UBR7: variants seen among roughly 807,000 people sequenced by gnomAD.
The protein encoded by UBR7 is putative E3 ubiquitin-protein ligase UBR7.
In UBR7, 22 loss-of-function variants were observed where a neutral mutation model predicts 57.0. The observed-to-expected ratio is 0.39, with a 90% CI of 0.28 to 0.55. The LOEUF is 0.55. UBR7 is among the 20% of genes least tolerant of loss of function. The pLI, the probability that UBR7 is intolerant of heterozygous loss-of-function variation, is 0.69. For missense variants in UBR7, 395 were observed against 513.2 expected (o/e 0.77, Z 2.23); for synonymous variants, 167 against 179.8 (o/e 0.93, Z 0.57).
intron 9 of UBR7, 28 bp from the exon 10 acceptor site, chr14:93,222,285 C>T (rs1323503066): frequency 6.6e-7 from 1 of 1,523,552 alleles, no homozygotes; most frequent in Non-Finnish European, 9.1e-7. Context: ...TTTATCTAAA[C>T]TTAAATACTT....
At chr14:93,218,411 T>TAA (rs11441325) in intron 6 of UBR7, 116 bp from the exon 7 acceptor site, 3,718 of 808,282 alleles carry the variant, frequency 4.6e-3, no homozygotes, top group Admixed American at 5.5e-3. Context: ...ACTCTGTCTG[T>TAA]AAAAAAAAAA....
intron 8 of UBR7, among the ~76,000 whole-genome samples, chr14:93,219,973 CA>C (rs11442565): frequency 5.8e-4 from 83 of 142,412 alleles, no homozygotes; most frequent in East Asian, 1.0e-3. Flanking sequence ...AACTCCATCT[CA>C]AAAAAAAAAA....
chr14:93,211,104 C>T (rs1894472652), intron 3 of UBR7, among the ~76,000 whole-genome samples: 1 of 151,886 alleles, frequency 6.6e-6, no homozygotes, highest in Non-Finnish European at 1.5e-5. Context: ...GGCATGGTGG[C>T]ACCCAGTCAT....
At chr14:93,218,989 A>T (rs1894650171) in intron 7 of UBR7, among the ~76,000 whole-genome samples, 1 of 151,786 alleles carries the variant, frequency 6.6e-6, no homozygotes, top group Non-Finnish European at 1.5e-5. Context: ...CAGGAGGCGG[A>T]GGTTACAGTG....
chr14:93,210,728 A>G lies in UBR7; in HGVS notation c.345+20A>G, dbSNP rs201150031. On this transcript the variant is annotated intron_variant, in intron 3 of 10. Coordinates refer to ENST00000013070, the MANE Select transcript of UBR7 (RefSeq NM_175748.4). ...CTTCCTGTAAGTAAGCACTGTAACT[A>G]TAAATGCATTTAGAGCAGCTGAGGT... 6 of 1,592,408 alleles carry G rather than the reference A, an allele frequency of 3.8e-6. No homozygotes were observed. Among genetic ancestry groups the G allele is most frequent in the Middle Eastern group, 1.7e-4 (1 of 6,032 alleles).
Position 93,219,081 on chromosome 14 carries a change from A to T in UBR7, c.811-131A>T, listed in dbSNP as rs1448000297. On this transcript the variant is annotated intron_variant, in intron 7 of 10. Transcript: ENST00000013070. ...AAAAAAAAAAAGAAAACTGAAGTGG[A>T]ATTAATTCTGTAAACTTATGGCTTT... 2.5e-5 allele frequency: 28 copies of T among 1,118,804 alleles called. No homozygotes were observed. In the East Asian group the frequency reaches 4.6e-4, roughly 18 times the overall value. The allele number at this position is 1,118,804 out of a possible 1,614,324, so 69.3% of individuals were successfully genotyped here.
rs371496259 is a variant in UBR7, at chr14:93,210,067, A to AAATT, written c.284+123_284+126dup. 714 of 634,142 alleles carry AAATT rather than the reference A, an allele frequency of 1.1e-3. 1 individual carries two copies. Among genetic ancestry groups the AAATT allele is most frequent in the South Asian group, 3.0e-3 (112 of 37,630 alleles). The allele number at this position is 634,142 out of a possible 1,614,324, so 39.3% of individuals were successfully genotyped here. ...CATGCAAAGCAGTTGAACACTAATG[A>AAATT]AATTAATTAATTAATTTATTTATTT... On this transcript the variant is annotated intron_variant, in intron 2 of 10. Coordinates refer to ENST00000013070, the MANE Select transcript of UBR7 (RefSeq NM_175748.4).
At chr14:93,217,264 T>C (rs917534735) in intron 6 of UBR7, among the ~76,000 whole-genome samples, 3 of 152,200 alleles carry the variant, frequency 2.0e-5, no homozygotes, top group Admixed American at 1.3e-4. Context: ...TGACCTCAGG[T>C]GATCCACCCA....
At position 93,228,791 on chromosome 14, in the gene UBR7, T is replaced by C; in HGVS notation, c.*1756T>C. ...ATCATGTCCGGAAAACTTTTAATCT[T>C]CTCAAATATCTGATGTAACTACCAG... On this transcript the variant is annotated 3_prime_UTR_variant, in exon 11 of 11. Transcript: ENST00000013070. 1 of 454,104 alleles carries C rather than the reference T, an allele frequency of 2.2e-6. No homozygotes were observed. Among genetic ancestry groups the C allele is most frequent in the Non-Finnish European group, 4.4e-6 (1 of 226,800 alleles). The allele number at this position is 454,104 out of a possible 1,614,324, so 28.1% of individuals were successfully genotyped here.
Position 93,228,313 on chromosome 14 carries a change from G to C in UBR7, c.*1278G>C, listed in dbSNP as rs748314848. ...TGTAGGAAATGCCTTGTGATACATA[G>C]AGAACCCTCAGCTTCTCTCTGCCTC... On this transcript the variant is annotated 3_prime_UTR_variant, in exon 11 of 11. Coordinates refer to ENST00000013070, the MANE Select transcript of UBR7 (RefSeq NM_175748.4). 2.0e-5 allele frequency: 9 copies of C among 455,866 alleles called. No homozygotes were observed. Among genetic ancestry groups the C allele is most frequent in the African/African-American group, 4.0e-5 (2 of 50,090 alleles). 28.2% of individuals were successfully genotyped at this position (455,866 alleles called of 1,614,324 possible).
intron 6 of UBR7, 152 bp from the exon 7 acceptor site, chr14:93,218,375 C>T: frequency 1.4e-6 from 1 of 709,172 alleles, no homozygotes; most frequent in Middle Eastern, 3.9e-4. Flanking sequence ...CATGCCACTG[C>T]ACTCCAGTGT....
chr14:93,223,394 CAAAA>C lies in UBR7; in HGVS notation c.1185+1037_1185+1040del, dbSNP rs34453404. On this transcript the variant is annotated intron_variant, in intron 10 of 10. Transcript: ENST00000013070. ...TGGGTGACAGAGCAAGACTCCATCT[CAAAA>C]AAAAAAAAAAAAAAAAGAACTGGGC... is the stretch of plus-strand genomic sequence containing the variant. 2.8e-3 allele frequency among the ~76,000 whole-genome samples: 265 copies of C among 94,352 alleles called. 2 individuals carry two copies. The highest frequency in any genetic ancestry group is 0.011 in the African/African-American group (254 of 23,662). 61.9% of individuals were successfully genotyped at this position (94,352 alleles called of 152,430 possible).
chr14:93,207,351 G>A lies in UBR7; in HGVS notation c.60G>A (p.Leu20=). 1 of 1,558,212 alleles carries A rather than the reference G, an allele frequency of 6.4e-7. No individual in the cohort carries two copies. The highest frequency in any genetic ancestry group is 8.7e-7 in the Non-Finnish European group (1 of 1,150,864). Residue 20 remains leucine (L), a synonymous_variant, in exon 1 of 11, where the codon TTG becomes TTA. Coordinates refer to ENST00000013070, the MANE Select transcript of UBR7 (RefSeq NM_175748.4). ...CGGAGCTGGAGCCCGTGGTATCGTTGGTCGACGTCCTTGAGGAGGACGAGG... is the reference window on the plus strand; with the variant it reads ...CGGAGCTGGAGCCCGTGGTATCGTTAGTCGACGTCCTTGAGGAGGACGAGG... ...RQSELEPVVS[L]VDVLEEDEEL...
At chr14:93,225,140 G>A (rs1009974058) in intron 10 of UBR7, among the ~76,000 whole-genome samples, 7 of 151,938 alleles carry the variant, frequency 4.6e-5, no homozygotes, top group African/African-American at 1.2e-4. Context: ...TGGTATTTTT[G>A]TTGTTTGTTC....
intron 6 of UBR7, among the ~76,000 whole-genome samples, chr14:93,215,557 C>T (rs1894573911): frequency 6.6e-6 from 1 of 151,820 alleles, no homozygotes; most frequent in South Asian, 2.1e-4. Context: ...GGCGTCACGG[C>T]GCTTGCCTGT....
rs1566821779 is a variant in UBR7, at chr14:93,215,243, G to GTT, written c.564_565dup (p.Cys189PhefsTer14). On this transcript the variant is annotated frameshift_variant, in exon 6 of 11. Transcript: ENST00000013070. LOFTEE classifies it high-confidence loss of function. ...ATGGTATGCCAGGCCTGCATGAAAC[G>GTT]TTGTTCTTTTTTGTGGGCTTATGCT... The GTT allele has an allele frequency of 8.8e-6, 14 of 1,588,470 alleles. No homozygotes were observed. Among genetic ancestry groups the GTT allele is most frequent in the Non-Finnish European group, 1.2e-5 (14 of 1,166,576 alleles).
At chr14:93,210,240 C>A (rs151297969) in intron 2 of UBR7, among the ~76,000 whole-genome samples, 1 of 152,080 alleles carries the variant, frequency 6.6e-6, no homozygotes, top group Admixed American at 6.6e-5. Context: ...CCCACCACCA[C>A]GCCCAGCTAA....
chr14:93,209,540 G>C (rs1056099361), intron 1 of UBR7, among the ~76,000 whole-genome samples: 1 of 152,094 alleles, frequency 6.6e-6, no homozygotes, highest in African/African-American at 2.4e-5. Context: ...AGGAGTTTGA[G>C]ACCAGCCTGG....
intron 9 of UBR7, 77 bp downstream of exon 9, chr14:93,220,488 A>T: frequency 6.6e-7 from 1 of 1,523,106 alleles, no homozygotes; most frequent in East Asian, 2.3e-5. Flanking sequence ...GTAAACACCT[A>T]TATTTTTAAT....
Sources: gnomAD v4.1 joint callset for allele counts (sites outside exome capture counted in the v4.1 genomes callset) on GRCh38, gnomAD v4.1.1 for gene constraint, MANE v1.5 for transcripts, NCBI Gene and HGNC (gene_info 2026-07-23, HGNC 2026-07-21) for gene names.